Variants in ANO6 observed in about 807,000 individuals in gnomAD.
ANO6 encodes anoctamin 6.
In ANO6, 106 loss-of-function variants were observed where a neutral mutation model predicts 117.5. The ratio of observed to expected loss-of-function variants is 0.90; its 90% confidence interval spans 0.77 to 1.06. The LOEUF (loss-of-function observed/expected upper bound fraction) is 1.06. Among genes scored for constraint, ANO6 ranks in the 50% least tolerant of loss-of-function variants. The pLI is 0.00. For synonymous variants in ANO6, 367 were observed against 385.1 expected (o/e 0.95, Z 0.55); for missense variants, 955 against 1,121.1 (o/e 0.85, Z 2.12).
At chr12:45,343,518 C>T (rs934071807) in intron 3 of ANO6, among the ~76,000 whole-genome samples, 3 of 152,194 alleles carry the variant, frequency 2.0e-5, no homozygotes, top group Non-Finnish European at 2.9e-5. Context: ...TTTCAGAATA[C>T]TCCATCCCTC....
At chr12:45,440,081 C>A in exon 20 of ANO6, 1 of 830,398 alleles carries the variant, frequency 1.2e-6, no homozygotes, top group Non-Finnish European at 1.6e-6. Flanking sequence ...TCCTCTAAAT[C>A]GTATTTGAGC....
intron 2 of ANO6, among the ~76,000 whole-genome samples, chr12:45,307,694 T>G (rs867453420): frequency 2.0e-5 from 3 of 151,174 alleles, no homozygotes; most frequent in Admixed American, 6.6e-5. Context: ...TGAGATAGAA[T>G]AGAGAGGAGA....
intron 2 of ANO6, among the ~76,000 whole-genome samples, chr12:45,320,724 A>G (rs1940233531): frequency 6.6e-6 from 1 of 152,094 alleles, no homozygotes; most frequent in East Asian, 1.9e-4. Context: ...GGGGTGTTAA[A>G]GTCTCCCATT....
intron 6 of ANO6, among the ~76,000 whole-genome samples, chr12:45,349,641 G>T (rs77716747): frequency 6.6e-6 from 1 of 152,118 alleles, no homozygotes; most frequent in East Asian, 1.9e-4. Context: ...GGATAGAGAC[G>T]ATATTGAAAT....
intron 2 of ANO6, among the ~76,000 whole-genome samples, chr12:45,302,711 CA>C (rs1433645180): frequency 1.3e-5 from 2 of 152,078 alleles, no homozygotes; most frequent in Admixed American, 1.3e-4. Context: ...AAATTAAGCA[CA>C]TAGGATGCCT....
intron 10 of ANO6, among the ~76,000 whole-genome samples, chr12:45,385,304 G>T (rs1323165595): frequency 6.6e-6 from 1 of 152,148 alleles, no homozygotes; most frequent in Non-Finnish European, 1.5e-5. Flanking sequence ...CTGAGAGAAT[G>T]CACATGACCG....
At chr12:45,248,326 A>G (rs1947854259) in intron 1 of ANO6, among the ~76,000 whole-genome samples, 1 of 151,354 alleles carries the variant, frequency 6.6e-6, no homozygotes, top group South Asian at 2.1e-4. Context: ...CTGCCCCACT[A>G]CTCAGTTAAG....
At chr12:45,406,715 C>G (rs1942944345) in intron 15 of ANO6, among the ~76,000 whole-genome samples, 1 of 152,130 alleles carries the variant, frequency 6.6e-6, no homozygotes, top group Non-Finnish European at 1.5e-5. Context: ...CACACTTACT[C>G]TCTAGGTTCA....
chr12:45,320,076 A>G (rs886566623), intron 2 of ANO6, among the ~76,000 whole-genome samples: 4 of 152,100 alleles, frequency 2.6e-5, no homozygotes, highest in African/African-American at 9.7e-5. Flanking sequence ...CAGCTCCTGG[A>G]TTCATTGATT....
intron 1 of ANO6, among the ~76,000 whole-genome samples, chr12:45,266,078 A>G (rs1433300539): frequency 1.3e-5 from 2 of 152,248 alleles, no homozygotes; most frequent in African/African-American, 4.8e-5. Context: ...CATTCAAGGC[A>G]AAAGTGATTC....
At chr12:45,365,108 C>T (rs1199471897) in intron 8 of ANO6, among the ~76,000 whole-genome samples, 5 of 152,140 alleles carry the variant, frequency 3.3e-5, no homozygotes, top group African/African-American at 7.2e-5. Context: ...CAGTAATTTT[C>T]GTTTCTCTGC....
At chr12:45,242,941 AATCT>A (rs531715542) in intron 1 of ANO6, among the ~76,000 whole-genome samples, 24 of 152,200 alleles carry the variant, frequency 1.6e-4, no homozygotes, top group South Asian at 4.1e-4. Context: ...TGTATAGAAA[AATCT>A]ATCTAATTTC....
At chr12:45,236,667 T>C (rs1464159142) in intron 1 of ANO6, among the ~76,000 whole-genome samples, 2 of 152,242 alleles carry the variant, frequency 1.3e-5, no homozygotes, top group Non-Finnish European at 2.9e-5. Flanking sequence ...TTTGCTATTG[T>C]GAATAGTGCT....
intron 19 of ANO6, among the ~76,000 whole-genome samples, chr12:45,427,205 A>AT (rs975298158): frequency 6.6e-6 from 1 of 151,888 alleles, no homozygotes; most frequent in Non-Finnish European, 1.5e-5. Flanking sequence ...AGCCACTATC[A>AT]TTTTTTGCCT....
intron 2 of ANO6, among the ~76,000 whole-genome samples, chr12:45,317,066 C>T (rs1940056334): frequency 7.6e-6 from 1 of 130,900 alleles, no homozygotes; most frequent in Non-Finnish European, 1.7e-5. Context: ...ATTTTTTATA[C>T]ATTTTGCAGA....
chr12:45,338,948 C>T (rs1013094563), intron 3 of ANO6, among the ~76,000 whole-genome samples: 1 of 152,038 alleles, frequency 6.6e-6, no homozygotes, highest in Non-Finnish European at 1.5e-5. Flanking sequence ...TCTGATTGCT[C>T]CTCCTGAGGT....
At chr12:45,422,370 A>T (rs1276100701) in intron 18 of ANO6, among the ~76,000 whole-genome samples, 1 of 152,138 alleles carries the variant, frequency 6.6e-6, no homozygotes, top group Non-Finnish European at 1.5e-5. Context: ...AACAGGGATA[A>T]ATGTTGGGAG....
intron 7 of ANO6, among the ~76,000 whole-genome samples, chr12:45,353,301 ACT>A (rs149880596): frequency 0.032 from 4,900 of 151,962 alleles, 238 homozygotes; most frequent in African/African-American, 0.11. Context: ...ACTTTCATTA[ACT>A]CTGTTTACCC....
intron 8 of ANO6, among the ~76,000 whole-genome samples, chr12:45,366,212 T>G (rs1941682097): frequency 6.6e-6 from 1 of 152,096 alleles, no homozygotes; most frequent in Non-Finnish European, 1.5e-5. Context: ...TTTACCAATT[T>G]GTGGCTTATA....
Sources: gnomAD v4.1 joint callset for allele counts (sites outside exome capture counted in the v4.1 genomes callset) on GRCh38, gnomAD v4.1.1 for gene constraint, MANE v1.5 for transcripts, NCBI Gene and HGNC (gene_info 2026-07-23, HGNC 2026-07-21) for gene names.